The following CLYBL variants were observed in gnomAD, a reference collection of about 807,000 sequenced individuals.
CLYBL encodes citramalyl-CoA lyase, mitochondrial.
CLYBL carries 31 observed loss-of-function variants against 38.9 expected under a neutral mutation model. The ratio of observed to expected loss-of-function variants is 0.80; its 90% CI spans 0.60 to 1.08. The LOEUF (loss-of-function observed/expected upper bound fraction) is 1.08. Among genes scored for constraint, CLYBL ranks in the 50% least tolerant of loss-of-function variants. The pLI is 0.00. For missense variants in CLYBL, 434 were observed against 411.6 expected, an observed-to-expected ratio of 1.05 and a Z score of -0.47; for synonymous variants, 171 against 158.6, an observed-to-expected ratio of 1.08 and a Z score of -0.59.
At chr13:99,868,819 G>A (rs2051814821) in intron 6 of CLYBL, among the ~76,000 whole-genome samples, 1 of 152,164 alleles carries the variant, frequency 6.6e-6, no homozygotes, top group South Asian at 2.1e-4. Flanking sequence ...TACATGCTGA[G>A]AAGAAAGATT....
chr13:99,687,795 AAT>A (rs2047840038), intron 1 of CLYBL, among the ~76,000 whole-genome samples: 1 of 152,184 alleles, frequency 6.6e-6, no homozygotes, highest in African/African-American at 2.4e-5. Context: ...GTTATGTGAG[AAT>A]ATGTCTGACA....
In CLYBL at chr13:99,892,466, A is replaced by G. The variant is rs530336072; in HGVS notation, c.*48A>G. ...AGGCTAAAGGGTATTGAAGCTGCAG[A>G]GGGATCAACTTGTGCTTGCCAGAGG... On this transcript the variant is annotated 3_prime_UTR_variant, in exon 9 of 9. Transcript: ENST00000339105. 6.5e-6 allele frequency: 1 copy of G among 152,788 alleles called. No homozygotes were observed. The highest frequency in any genetic ancestry group is 1.9e-4 in the East Asian group (1 of 5,184). The allele number at this position is 152,788 out of a possible 1,614,324, so 9.5% of individuals were successfully genotyped here.
At chr13:99,841,299 GA>G (rs2051069757) in intron 2 of CLYBL, among the ~76,000 whole-genome samples, 1 of 152,176 alleles carries the variant, frequency 6.6e-6, no homozygotes, top group Non-Finnish European at 1.5e-5. Flanking sequence ...TGCCATAGGA[GA>G]GAAAAAGTAA....
intron 1 of CLYBL, among the ~76,000 whole-genome samples, chr13:99,747,236 C>T (rs2048868356): frequency 7.0e-6 from 1 of 143,826 alleles, no homozygotes; most frequent in African/African-American, 2.6e-5. Context: ...CCCATGCTCC[C>T]TTTCTTTTCC....
chr13:99,627,547 CT>C (rs1252721792), intron 1 of CLYBL, among the ~76,000 whole-genome samples: 1 of 151,924 alleles, frequency 6.6e-6, no homozygotes, highest in Non-Finnish European at 1.5e-5. Flanking sequence ...GTTTTGAAGT[CT>C]TTTTTATGTA....
At chr13:99,614,378 A>T (rs1485680313) in intron 1 of CLYBL, among the ~76,000 whole-genome samples, 1 of 152,190 alleles carries the variant, frequency 6.6e-6, no homozygotes, top group Admixed American at 6.5e-5. Flanking sequence ...AATACCAGGA[A>T]GGCAGTTGTA....
chr13:99,685,497 T>C (rs2047803475), intron 1 of CLYBL, among the ~76,000 whole-genome samples: 1 of 152,158 alleles, frequency 6.6e-6, no homozygotes, highest in Admixed American at 6.5e-5. Flanking sequence ...AAAGTTTCAC[T>C]ATAACCACAT....
In CLYBL at chr13:99,606,712, T is replaced by TGCGGAGGGCGGCGC. The variant is rs556430165; in HGVS notation, c.24_37dup (p.Ala13GlyfsTer12). The TGCGGAGGGCGGCGC allele has an allele frequency of 1.8e-4, 270 of 1,493,398 alleles. 2 individuals are homozygous for TGCGGAGGGCGGCGC. In the South Asian group the frequency reaches 3.1e-3, roughly 17 times the overall value. 92.5% of individuals were successfully genotyped at this position (1,493,398 alleles called of 1,614,324 possible). ...GTCGGGAAGATGGCGCTACGTCTGC[T>TGCGGAGGGCGGCGC]GCGGAGGGCGGCGCGCGGAGCTGCG... is the stretch of plus-strand genomic sequence containing the variant. On this transcript the variant is annotated frameshift_variant, in exon 1 of 9. Coordinates refer to ENST00000339105, the MANE Select transcript of CLYBL (RefSeq NM_206808.5). LOFTEE classifies it high-confidence loss of function.
At chr13:99,737,624 T>C (rs550007480) in intron 1 of CLYBL, among the ~76,000 whole-genome samples, 2 of 152,310 alleles carry the variant, frequency 1.3e-5, no homozygotes, top group Non-Finnish European at 2.9e-5. Flanking sequence ...AAGCATAGAC[T>C]AGAGGAGTCA....
At chr13:99,839,397 G>A (rs575691252) in intron 2 of CLYBL, among the ~76,000 whole-genome samples, 1 of 152,330 alleles carries the variant, frequency 6.6e-6, no homozygotes, top group Non-Finnish European at 1.5e-5. Flanking sequence ...CAGATCATCA[G>A]TTGCCAAGAG....
intron 2 of CLYBL, among the ~76,000 whole-genome samples, chr13:99,841,034 A>G (rs916561073): frequency 9.2e-5 from 14 of 152,180 alleles, no homozygotes; most frequent in African/African-American, 3.4e-4. Flanking sequence ...TCACACTGCA[A>G]TGAGTAAAGG....
chr13:99,646,590 T>C (rs1408344674), intron 1 of CLYBL, among the ~76,000 whole-genome samples: 1 of 147,320 alleles, frequency 6.8e-6, no homozygotes, highest in Non-Finnish European at 1.5e-5. Flanking sequence ...CTCGGCTCAC[T>C]GCAACCTCTG....
intron 1 of CLYBL, among the ~76,000 whole-genome samples, chr13:99,633,170 C>T (rs1418390485): frequency 7.6e-6 from 1 of 130,762 alleles, no homozygotes; most frequent in East Asian, 2.6e-4. Context: ...GAGATCATAC[C>T]AGTGCACTCC....
intron 1 of CLYBL, among the ~76,000 whole-genome samples, chr13:99,691,753 A>T (rs1428366780): frequency 1.3e-5 from 2 of 152,222 alleles, no homozygotes; most frequent in Non-Finnish European, 2.9e-5. Context: ...TTCCGCAGTC[A>T]CCTGGCAAGT....
At chr13:99,615,332 C>T (rs1369832644) in intron 1 of CLYBL, among the ~76,000 whole-genome samples, 1 of 152,218 alleles carries the variant, frequency 6.6e-6, no homozygotes, top group African/African-American at 2.4e-5. Context: ...GCCCATAGTG[C>T]TGGTAGCTGA....
At chr13:99,686,496 A>G (rs2047819653) in intron 1 of CLYBL, among the ~76,000 whole-genome samples, 1 of 132,410 alleles carries the variant, frequency 7.6e-6, no homozygotes, top group African/African-American at 2.9e-5. Flanking sequence ...CTCAGACATA[A>G]AAGTATTTGT....
intron 1 of CLYBL, among the ~76,000 whole-genome samples, chr13:99,716,764 CTTACT>C (rs1478071674): frequency 2.2e-5 from 3 of 134,442 alleles, no homozygotes; most frequent in East Asian, 2.2e-4. Context: ...AACTTTCCCT[CTTACT>C]TTAATTTCTT....
downstream of CLYBL, chr13:99,893,195 G>A (rs1213182976): frequency 1.3e-5 from 2 of 152,348 alleles, no homozygotes; most frequent in Non-Finnish European, 2.9e-5. Context: ...AGGCCGGAAG[G>A]AGGAAGATGG....
At chr13:99,837,227 C>T (rs937387328) in intron 2 of CLYBL, among the ~76,000 whole-genome samples, 2 of 152,016 alleles carry the variant, frequency 1.3e-5, no homozygotes, top group Admixed American at 6.5e-5. Flanking sequence ...ACAGGAGGAT[C>T]GCTTGAGCCC....
Sources: gnomAD v4.1 joint callset for allele counts (sites outside exome capture counted in the v4.1 genomes callset) on GRCh38, gnomAD v4.1.1 for gene constraint, MANE v1.5 for transcripts, NCBI Gene and HGNC (gene_info 2026-07-23, HGNC 2026-07-21) for gene names.